The following SERPINA1 variants were observed in gnomAD, a reference collection of about 807,000 sequenced individuals.
The protein encoded by SERPINA1 is serpin family A member 1.
In SERPINA1, 21 loss-of-function variants were observed where a neutral mutation model predicts 25.4. That is an observed-to-expected ratio of 0.83 (90% CI 0.59 to 1.19). The LOEUF is 1.19. Among genes scored for constraint, SERPINA1 ranks in the 50% most tolerant of loss-of-function variants. SERPINA1 has a pLI of 0.00. For synonymous variants in SERPINA1, 218 were observed against 211.1 expected (o/e 1.03, Z -0.29); for missense variants, 546 against 509.0 (o/e 1.07, Z -0.70).
intron 1 of SERPINA1, among the ~76,000 whole-genome samples, chr14:94,384,979 G>C (rs961085115): frequency 2.6e-5 from 4 of 152,238 alleles, no homozygotes; most frequent in African/African-American, 7.2e-5. Context: ...CAGCTAGCTA[G>C]TGTTGTTAGA....
chr14:94,383,712 G>A (rs994888776), intron 1 of SERPINA1: 2 of 173,322 alleles, frequency 1.2e-5, no homozygotes, highest in African/African-American at 4.7e-5. Context: ...GAAGAGGAAT[G>A]GGCCTGCCCA....
chr14:94,383,823 A>G (rs1897124796), intron 1 of SERPINA1, among the ~76,000 whole-genome samples: 1 of 152,218 alleles, frequency 6.6e-6, no homozygotes, highest in African/African-American at 2.4e-5. Context: ...GGCCAGGGAA[A>G]CTGCTGCACA....
rs1383562184 is a variant in SERPINA1, at chr14:94,378,658, A to G, written c.1066-18T>C. On this transcript the variant is annotated intron_variant, in intron 4 of 4. Transcript: ENST00000393087. ...TGCACGGCCTGGAGGGGAGAGAAGC[A>G]GAGACACGTTGTAAGGCTGATCCCA... The G allele has an allele frequency of 6.2e-7, 1 of 1,613,788 alleles. No individual in the cohort carries two copies. The highest frequency in any genetic ancestry group is 8.5e-7 in the Non-Finnish European group (1 of 1,179,818).
intron 3 of SERPINA1, 48 bp from the exon 4 acceptor site, chr14:94,379,659 T>C (rs777682797): frequency 6.2e-7 from 1 of 1,613,452 alleles, no homozygotes; most frequent in Non-Finnish European, 8.5e-7. Flanking sequence ...ATTCCTCTTG[T>C]TCTTCTGGGA....
At chr14:94,389,153 T>C (rs1357047775), upstream of SERPINA1, 1 of 152,296 alleles carries the variant, frequency 6.6e-6, no homozygotes, top group East Asian at 1.9e-4. Context: ...GGAGCATGAC[T>C]GAGGCAGACA....
chr14:94,378,428 G>T lies in SERPINA1; in HGVS notation c.*21C>A, dbSNP rs746497525. On this transcript the variant is annotated 3_prime_UTR_variant, in exon 5 of 5. Coordinates refer to ENST00000393087, the MANE Select transcript of SERPINA1 (RefSeq NM_000295.5). Reference sequence around the variant, plus strand: ...GGAGGGGGCCAGGGATGGAGGGGAGGGGTTGAGGAGCGAGAGGCAGTTATT... The same window carrying T: ...GGAGGGGGCCAGGGATGGAGGGGAGTGGTTGAGGAGCGAGAGGCAGTTATT... 1.2e-6 allele frequency: 2 copies of T among 1,610,506 alleles called. No individual in the cohort carries two copies. The highest frequency in any genetic ancestry group is 4.5e-5 in the East Asian group (2 of 44,848).
chr14:94,387,307 T>G (rs1897346792), intron 1 of SERPINA1, among the ~76,000 whole-genome samples: 1 of 152,256 alleles, frequency 6.6e-6, no homozygotes, highest in Non-Finnish European at 1.5e-5. Flanking sequence ...ATAGAGCTAT[T>G]GTGAAATTAA....
intron 1 of SERPINA1, among the ~76,000 whole-genome samples, chr14:94,384,930 C>G (rs1422485496): frequency 6.6e-6 from 1 of 152,224 alleles, no homozygotes; most frequent in Non-Finnish European, 1.5e-5. Context: ...CCAAATGGAA[C>G]AGACCACACA....
Position 94,378,272 on chromosome 14 carries a change from C to T in SERPINA1, c.*177G>A, listed in dbSNP as rs1896506715. ...CTCCATGAACACAGTTCAGGGGGCC[C>T]GAAGACAGCACTGTTACCTGGAGCC... is the stretch of plus-strand genomic sequence containing the variant. On this transcript the variant is annotated 3_prime_UTR_variant, in exon 5 of 5. Transcript: ENST00000393087. 9 of 638,258 alleles carry T rather than the reference C, an allele frequency of 1.4e-5. No homozygotes were observed. The highest frequency in any genetic ancestry group is 1.9e-5 in the Non-Finnish European group (7 of 359,892). 39.5% of individuals were successfully genotyped at this position (638,258 alleles called of 1,614,324 possible).
At chr14:94,380,213 G>A (rs549094933) in intron 3 of SERPINA1, among the ~76,000 whole-genome samples, 3 of 151,884 alleles carry the variant, frequency 2.0e-5, no homozygotes, top group South Asian at 2.1e-4. Context: ...TTATGAACCC[G>A]ACACCTTTTG....
At chr14:94,387,010 A>G (rs1439600051) in intron 1 of SERPINA1, among the ~76,000 whole-genome samples, 1 of 152,240 alleles carries the variant, frequency 6.6e-6, no homozygotes, top group Non-Finnish European at 1.5e-5. Flanking sequence ...CTTGCTTACA[A>G]AACTGAGATG....
At chr14:94,380,838 A>G (rs776339337) in intron 3 of SERPINA1, 33 bp downstream of exon 3, 2 of 1,614,048 alleles carry the variant, frequency 1.2e-6, no homozygotes, top group African/African-American at 2.7e-5. Flanking sequence ...AGGTGTGGGC[A>G]GCTTCTTGGT....
At chr14:94,384,415 C>T (rs1202202241) in intron 1 of SERPINA1, among the ~76,000 whole-genome samples, 4 of 152,156 alleles carry the variant, frequency 2.6e-5, no homozygotes, top group Non-Finnish European at 5.9e-5. Flanking sequence ...GGTGATAGGC[C>T]AGTGAGGAAT....
In SERPINA1 at chr14:94,379,447, C is replaced by T. The variant is rs753212922; in HGVS notation, c.1065+17G>A. 2.3e-5 allele frequency: 37 copies of T among 1,613,832 alleles called. No individual in the cohort carries two copies. The highest frequency in any genetic ancestry group is 9.9e-5 in the South Asian group (9 of 91,074). On this transcript the variant is annotated intron_variant, in intron 4 of 4. Transcript: ENST00000393087. ...TACAGATACCAGGGTGCAACAAGGT[C>T]GTCAGGGTGATCTCACCTTGGAGAG... is the stretch of plus-strand genomic sequence containing the variant.
chr14:94,385,889 A>G (rs1476536442), intron 1 of SERPINA1, among the ~76,000 whole-genome samples: 2 of 152,194 alleles, frequency 1.3e-5, no homozygotes, highest in Admixed American at 1.3e-4. Flanking sequence ...AGAGAGGGTC[A>G]GGGCCTTGTT....
In SERPINA1 at chr14:94,383,013, G is replaced by T. The variant is rs1230465323; in HGVS notation, c.225C>A (p.Phe75Leu). The change falls in exon 2 of 5, where the codon TTC (phenylalanine) becomes TTA (leucine). Residue 75 changes from phenylalanine (F) to leucine (L), a missense_variant. Coordinates refer to ENST00000393087, the MANE Select transcript of SERPINA1 (RefSeq NM_000295.5). ...LAHQSNSTNIFFSPVSIATAF... is the reference protein window; with the variant it reads ...LAHQSNSTNILFSPVSIATAF... ...CTGTAGCGATGCTCACTGGGGAGAA[G>T]AAGATATTGGTGCTGTTGGACTGGT... The T allele has an allele frequency of 8.1e-6, 13 of 1,610,534 alleles. No homozygotes were observed. The highest frequency in any genetic ancestry group is 2.7e-5 in the African/African-American group (2 of 74,890).
In SERPINA1 at chr14:94,383,211, G is replaced by A. The variant is rs11558260; in HGVS notation, c.27C>T (p.Ile9=). The change falls in exon 2 of 5, where the codon ATC becomes ATT. Residue 9 remains isoleucine, a synonymous_variant. Coordinates refer to ENST00000393087, the MANE Select transcript of SERPINA1 (RefSeq NM_000295.5). The part of the protein sequence containing the change: MPSSVSWG[I]LLLAGLCCLV... ...GGCAGCACAGGCCTGCCAGCAGGAG[G>A]ATGCCCCACGAGACAGAAGACGGCA... The A allele has an allele frequency of 1.2e-6, 2 of 1,613,686 alleles. No homozygotes were observed. Among genetic ancestry groups the A allele is most frequent in the Admixed American group, 1.7e-5 (1 of 60,000 alleles).
At chr14:94,380,803 G>A in intron 3 of SERPINA1, 68 bp downstream of exon 3, 1 of 1,600,662 alleles carries the variant, frequency 6.2e-7, no homozygotes, top group Non-Finnish European at 8.6e-7. Flanking sequence ...CAGTCCTGAT[G>A]GGCCTCAGTC....
In SERPINA1 at chr14:94,378,322, G is replaced by A. The variant is rs939652635; in HGVS notation, c.*127C>T. ...CCACATACAGCCTCAGCAGGCAAAG[G>A]GAGACTCAGAGAAAACATGGGAGGG... On this transcript the variant is annotated 3_prime_UTR_variant, in exon 5 of 5. Transcript: ENST00000393087. The A allele has an allele frequency of 2.7e-5, 22 of 829,882 alleles. No individual in the cohort carries two copies. The African/African-American group carries it at 3.5e-4, about 13-fold the overall frequency. 51.4% of individuals were successfully genotyped at this position (829,882 alleles called of 1,614,324 possible).
Sources: gnomAD v4.1 joint callset for allele counts (sites outside exome capture counted in the v4.1 genomes callset) on GRCh38, gnomAD v4.1.1 for gene constraint, MANE v1.5 for transcripts, NCBI Gene and HGNC (gene_info 2026-07-23, HGNC 2026-07-21) for gene names.